Variants in TSHR observed in about 807,000 individuals in gnomAD.
The protein encoded by TSHR is thyrotropin receptor.
A neutral mutation model predicts 64.1 loss-of-function variants in TSHR; 51 were observed. The ratio of observed to expected loss-of-function variants is 0.80; its 90% CI spans 0.64 to 1.01. TSHR has a LOEUF of 1.01. TSHR is among the 50% of genes least tolerant of loss of function. The pLI is 0.00. For synonymous variants in TSHR, 361 were observed against 361.9 expected, an observed-to-expected ratio of 1.00 and a Z score of 0.03; for missense variants, 877 against 942.8, an observed-to-expected ratio of 0.93 and a Z score of 0.91.
chr14:81,014,664 A>G (rs1018662565), intron 1 of TSHR, among the ~76,000 whole-genome samples: 1 of 152,218 alleles, frequency 6.6e-6, no homozygotes, highest in Non-Finnish European at 1.5e-5. Flanking sequence ...TGGCAACCAA[A>G]CCAAGGCTAA....
At position 81,086,709 on chromosome 14, in the gene TSHR, C is replaced by T. The variant is rs113362178; in HGVS notation, c.318-1245C>T. Among the ~76,000 whole-genome samples the T allele has an allele frequency of 2.3e-3, 354 of 152,292 alleles. 2 individuals are homozygous for T. Among genetic ancestry groups the T allele is most frequent in the African/African-American group, 7.7e-3 (322 of 41,562 alleles). On this transcript the variant is annotated intron_variant, in intron 3 of 9. Transcript: ENST00000298171. The stretch of plus-strand genomic sequence containing the variant: ...ATAATCAGAAGTGGCAGAGCCAAGA[C>T]TCTATTTCGAGTCCATCTGGGCTAT...
chr14:80,983,484 A>C, intron 1 of TSHR: 2 of 1,357,168 alleles, frequency 1.5e-6, no homozygotes, highest in Non-Finnish European at 2.1e-6. Context: ...CTTTAACCAT[A>C]AAGAGGCAAA....
intron 1 of TSHR, among the ~76,000 whole-genome samples, chr14:81,002,624 A>T (rs1889378790): frequency 6.6e-6 from 1 of 152,010 alleles, no homozygotes; most frequent in South Asian, 2.1e-4. Context: ...TATTCCCTCC[A>T]TAGTTAACCC....
At chr14:81,095,947 G>A (rs1160868130) in intron 6 of TSHR, among the ~76,000 whole-genome samples, 1 of 151,818 alleles carries the variant, frequency 6.6e-6, no homozygotes, top group African/African-American at 2.4e-5. Context: ...GGCTGAGGTG[G>A]GAGGATCGCT....
rs1344255250 is a variant in TSHR, at chr14:81,068,298, C to T, written c.287C>T (p.Ser96Phe). 1.2e-6 allele frequency: 2 copies of T among 1,613,204 alleles called. No individual in the cohort carries two copies. Among genetic ancestry groups the T allele is most frequent in the Non-Finnish European group, 1.7e-6 (2 of 1,179,448 alleles). ...ACTCTGCAGCAGCTGGAATCACACT[C>T]CTTCTACAATTTGAGTAAAGTGACT... Reference protein sequence around the residue: ...DVTLQQLESHSFYNLSKVTHI... With the variant: ...DVTLQQLESHFFYNLSKVTHI... The change falls in exon 3 of 10, where the codon TCC becomes TTC. Residue 96 changes from serine (S) to phenylalanine (F), a missense_variant. By Grantham distance (155) the Ser-to-Phe change is radical. Transcript: ENST00000298171.
At chr14:81,067,081 GA>G (rs2139905266) in intron 2 of TSHR, among the ~76,000 whole-genome samples, 1 of 152,248 alleles carries the variant, frequency 6.6e-6, no homozygotes, top group East Asian at 1.9e-4. Flanking sequence ...GACGGAGCTT[GA>G]ATTTTCAGCT....
At chr14:81,087,869 G>A (rs1267374222) in intron 3 of TSHR, 85 bp from the exon 4 acceptor site, 4 of 1,140,470 alleles carry the variant, frequency 3.5e-6, no homozygotes, top group East Asian at 2.3e-5. Context: ...ATGAACGTTT[G>A]TTAAAACTGA....
rs958253064 is a variant in TSHR at position 81,116,691 on chromosome 14, T to C, written c.692+8239T>C. On this transcript the variant is annotated intron_variant, in intron 8 of 9. Coordinates refer to ENST00000298171, the MANE Select transcript of TSHR (RefSeq NM_000369.5). The stretch of plus-strand genomic sequence containing the variant: ...CTGCACCAAGCGGACCTAATAGACA[T>C]CTACAGAACTCTCCACCCCAAATCA... Among the ~76,000 whole-genome samples the C allele has an allele frequency of 1.0e-4, 15 of 146,192 alleles. 1 individual carries two copies. The highest frequency in any genetic ancestry group is 2.9e-4 in the African/African-American group (11 of 38,028).
chr14:81,057,357 G>A (rs944441633), intron 1 of TSHR, among the ~76,000 whole-genome samples: 1 of 152,124 alleles, frequency 6.6e-6, no homozygotes, highest in Non-Finnish European at 1.5e-5. Flanking sequence ...GTTGCAGTGA[G>A]CCAAGATTGC....
chr14:80,975,894 T>C (rs2139710670), intron 1 of TSHR, among the ~76,000 whole-genome samples: 1 of 150,428 alleles, frequency 6.6e-6, no homozygotes, highest in South Asian at 2.1e-4. Context: ...ACTGCACTCC[T>C]TGCAGCTTAA....
At chr14:81,066,866 C>T (rs1176151161) in intron 2 of TSHR, among the ~76,000 whole-genome samples, 2 of 152,076 alleles carry the variant, frequency 1.3e-5, no homozygotes, top group African/African-American at 4.8e-5. Flanking sequence ...TGTTCATTTT[C>T]CCAAATGTCA....
At chr14:81,090,966 CTTCAGAACCCATGCT>C (rs1595092138) in intron 4 of TSHR, 88 bp from the exon 5 acceptor site, 1 of 999,532 alleles carries the variant, frequency 1.0e-6, no homozygotes, top group East Asian at 2.4e-5. Flanking sequence ...TACAGGTTGT[CTTCAGAACCCATGCT>C]TTCAGCTATT....
chr14:81,067,522 T>C (rs1340341766), intron 2 of TSHR, among the ~76,000 whole-genome samples: 1 of 146,808 alleles, frequency 6.8e-6, no homozygotes, highest in Non-Finnish European at 1.5e-5. Flanking sequence ...TATCACTATA[T>C]ATAATCCCTA....
At chr14:81,048,487 T>C (rs909380908) in intron 1 of TSHR, among the ~76,000 whole-genome samples, 2 of 152,094 alleles carry the variant, frequency 1.3e-5, no homozygotes, top group South Asian at 4.1e-4. Flanking sequence ...CTCAATCTGA[T>C]GAGTGCAGGG....
intron 1 of TSHR, chr14:81,052,299 G>C (rs117553857): frequency 6.6e-6 from 1 of 152,142 alleles, no homozygotes; most frequent in Non-Finnish European, 1.5e-5. Flanking sequence ...TTATTGAAGA[G>C]ACTGTTCTTT....
intron 1 of TSHR, chr14:80,991,819 G>A: frequency 2.7e-6 from 1 of 374,778 alleles, no homozygotes; most frequent in Non-Finnish European, 4.7e-6. Flanking sequence ...GACAAGCCTG[G>A]AGGGATTGTC....
chr14:80,988,898 T>C (rs919829805), intron 1 of TSHR, among the ~76,000 whole-genome samples: 1 of 152,200 alleles, frequency 6.6e-6, no homozygotes, highest in Non-Finnish European at 1.5e-5. Flanking sequence ...TCTGTCTATA[T>C]TTTCTTTCTT....
chr14:81,023,982 T>A (rs770877773), intron 1 of TSHR, among the ~76,000 whole-genome samples: 9 of 152,178 alleles, frequency 5.9e-5, no homozygotes, highest in Non-Finnish European at 1.3e-4. Flanking sequence ...TTTTAAAAAA[T>A]TAAAATCTAT....
At position 80,976,821 on chromosome 14, in the gene TSHR, C is replaced by T. The variant is rs550419980; in HGVS notation, c.170+20971C>T. On this transcript the variant is annotated intron_variant, in intron 1 of 9. Coordinates refer to ENST00000298171, the MANE Select transcript of TSHR (RefSeq NM_000369.5). ...GAAGAGGAAACACAGACTCTTTCAGCGAATCATTGAATGTGATAAGTGGAC... is the reference window on the plus strand; with the variant it reads ...GAAGAGGAAACACAGACTCTTTCAGTGAATCATTGAATGTGATAAGTGGAC... 1.2e-3 allele frequency among the ~76,000 whole-genome samples: 188 copies of T among 152,316 alleles called. 1 individual carries two copies. The highest frequency in any genetic ancestry group is 4.3e-3 in the African/African-American group (180 of 41,560).
Sources: gnomAD v4.1 joint callset for allele counts (sites outside exome capture counted in the v4.1 genomes callset) on GRCh38, gnomAD v4.1.1 for gene constraint, MANE v1.5 for transcripts, NCBI Gene and HGNC (gene_info 2026-07-23, HGNC 2026-07-21) for gene names.